Variants in ALG14 observed in about 807,000 individuals in gnomAD.
ALG14 encodes the protein UDP-N-acetylglucosamine transferase subunit ALG14.
Under a neutral mutation model 22.8 loss-of-function variants are expected in ALG14, and 17 were observed. The ratio of observed to expected loss-of-function variants is 0.75; its 90% confidence interval spans 0.51 to 1.12. The LOEUF (loss-of-function observed/expected upper bound fraction) is 1.12, where lower values mean the gene tolerates loss of function less well. ALG14 is among the 50% of genes most tolerant of loss of function. The pLI is 0.00. For missense variants in ALG14, 288 were observed against 271.8 expected, an observed-to-expected ratio of 1.06 and a Z score of -0.42; for synonymous variants, 89 against 103.7, an observed-to-expected ratio of 0.86 and a Z score of 0.86.
intron 2 of ALG14, among the ~76,000 whole-genome samples, chr1:95,051,822 C>G (rs1674761847): frequency 6.6e-6 from 1 of 152,210 alleles, no homozygotes; most frequent in South Asian, 2.1e-4. Flanking sequence ...TTCATCTAAA[C>G]ACACCTTTCC....
At chr1:95,003,591 A>G (rs1673126212) in intron 3 of ALG14, among the ~76,000 whole-genome samples, 1 of 151,822 alleles carries the variant, frequency 6.6e-6, no homozygotes, top group Non-Finnish European at 1.5e-5. Context: ...CTGAGACTAC[A>G]GTGTGTGTCA....
At chr1:95,016,942 G>GGTGTGTGTGTGTGTGT (rs55962309) in intron 3 of ALG14, among the ~76,000 whole-genome samples, 9 of 129,360 alleles carry the variant, frequency 7.0e-5, no homozygotes, top group South Asian at 2.8e-4. Flanking sequence ...TTGCAAAAGG[G>GGTGTGTGTGTGTGTGT]GTGTGTGTGT....
Position 94,976,855 on chromosome 1 carries a change from A to T in ALG14, c.*6221T>A, listed in dbSNP as rs533366471. On this transcript the variant is annotated 3_prime_UTR_variant, in exon 4 of 4. Coordinates refer to ENST00000370205, the MANE Select transcript of ALG14 (RefSeq NM_144988.4). ...CAAAAGGGACGTAATTATGATCCTAATCAGTTGACCTTGAATTAATCAAAA... is the reference window on the plus strand; with the variant it reads ...CAAAAGGGACGTAATTATGATCCTATTCAGTTGACCTTGAATTAATCAAAA... 2 of 152,290 alleles carry T rather than the reference A, an allele frequency of 1.3e-5. No homozygotes were observed. Among genetic ancestry groups the T allele is most frequent in the South Asian group, 2.1e-4 (1 of 4,832 alleles). The allele number at this position is 152,290 out of a possible 1,614,324, so 9.4% of individuals were successfully genotyped here.
rs1672410289 is a variant in ALG14 at position 94,977,018 on chromosome 1, G to C, written c.*6058C>G. 1 of 152,214 alleles carries C rather than the reference G, an allele frequency of 6.6e-6. No homozygotes were observed. Among genetic ancestry groups the C allele is most frequent in the African/African-American group, 2.4e-5 (1 of 41,456 alleles). The allele number at this position is 152,214 out of a possible 1,614,324, so 9.4% of individuals were successfully genotyped here. On this transcript the variant is annotated 3_prime_UTR_variant, in exon 4 of 4. Transcript: ENST00000370205. ...GAAAAGGATTCAGAGTTGCAGATCA[G>C]AACTCAGCCTTGGCCATCATCTTGA...
chr1:94,990,004 T>C (rs972691478), intron 3 of ALG14, among the ~76,000 whole-genome samples: 4 of 152,066 alleles, frequency 2.6e-5, no homozygotes, highest in African/African-American at 9.7e-5. Flanking sequence ...GGGCAAAACA[T>C]GGATGGCGAC....
At chr1:95,020,778 A>C (rs1673639864) in intron 3 of ALG14, among the ~76,000 whole-genome samples, 1 of 151,976 alleles carries the variant, frequency 6.6e-6, no homozygotes, top group Non-Finnish European at 1.5e-5. Context: ...CAAAACTCTA[A>C]GTGGTTCTAC....
At chr1:94,984,371 C>G (rs1672583475) in intron 3 of ALG14, among the ~76,000 whole-genome samples, 1 of 152,184 alleles carries the variant, frequency 6.6e-6, no homozygotes, top group South Asian at 2.1e-4. Flanking sequence ...CCCAGCATTT[C>G]AAGGACTCTC....
At chr1:94,998,205 C>T (rs1364127381) in intron 3 of ALG14, among the ~76,000 whole-genome samples, 1 of 152,178 alleles carries the variant, frequency 6.6e-6, no homozygotes, top group Non-Finnish European at 1.5e-5. Context: ...CAGGATTAAA[C>T]CGCACTTCCT....
At chr1:95,020,338 A>G (rs1673627179) in intron 3 of ALG14, among the ~76,000 whole-genome samples, 1 of 152,168 alleles carries the variant, frequency 6.6e-6, no homozygotes, top group South Asian at 2.1e-4. Flanking sequence ...AGGGTAAACA[A>G]GGAATTAGAA....
intron 3 of ALG14, among the ~76,000 whole-genome samples, chr1:94,984,446 G>A (rs751938006): frequency 5.2e-4 from 79 of 152,110 alleles, no homozygotes; most frequent in Non-Finnish European, 9.7e-4. Context: ...GTTTGAAAAA[G>A]GTCACCTGGT....
At chr1:95,070,860 C>T (rs973814968) in intron 1 of ALG14, among the ~76,000 whole-genome samples, 5 of 152,250 alleles carry the variant, frequency 3.3e-5, no homozygotes, top group Admixed American at 1.3e-4. Context: ...CTCAGCCTCC[C>T]AAATAGCTGG....
At chr1:95,040,003 T>C (rs189165094) in intron 2 of ALG14, among the ~76,000 whole-genome samples, 25 of 151,864 alleles carry the variant, frequency 1.6e-4, no homozygotes, top group Admixed American at 2.6e-4. Context: ...CAAAACCCTA[T>C]CTCTACAAAA....
chr1:95,071,117 G>C (rs775096670), intron 1 of ALG14, among the ~76,000 whole-genome samples: 1 of 152,174 alleles, frequency 6.6e-6, no homozygotes, highest in Non-Finnish European at 1.5e-5. Flanking sequence ...GTTCAGCGAG[G>C]TTAACTAATT....
rs1177909904 is a variant in ALG14, at chr1:94,980,172, T to G, written c.*2904A>C. ...GGTAGAATGATGTGTTCCAAGTTGCTTTTATAAGGGGAAGCTTGGGTCATC... is the reference window on the plus strand; with the variant it reads ...GGTAGAATGATGTGTTCCAAGTTGCGTTTATAAGGGGAAGCTTGGGTCATC... On this transcript the variant is annotated 3_prime_UTR_variant, in exon 4 of 4. Transcript: ENST00000370205. The G allele has an allele frequency of 6.6e-6, 1 of 152,156 alleles. No individual in the cohort carries two copies. The highest frequency in any genetic ancestry group is 1.5e-5 in the Non-Finnish European group (1 of 68,020). The allele number at this position is 152,156 out of a possible 1,614,324, so 9.4% of individuals were successfully genotyped here. A position where few individuals can be genotyped will look rare whatever the true frequency, so the allele number is the denominator to read the frequency against.
chr1:95,072,705 G>A (rs539948149), intron 1 of ALG14, 58 bp downstream of exon 1: 11 of 1,599,780 alleles, frequency 6.9e-6, no homozygotes, highest in Admixed American at 3.4e-5. Flanking sequence ...GCGTCGCGGT[G>A]CACTCTGGGG....
rs1466845528 is a variant in ALG14, at chr1:94,974,483, G to T, written c.*8593C>A. ...GAAAGGAAAAGAGATTAGGAATCAA[G>T]TCCAACCATGTGCTTATTCATCTGC... On this transcript the variant is annotated 3_prime_UTR_variant, in exon 4 of 4. Transcript: ENST00000370205. The T allele has an allele frequency of 6.6e-6, 1 of 152,124 alleles. No homozygotes were observed. Among genetic ancestry groups the T allele is most frequent in the Non-Finnish European group, 1.5e-5 (1 of 68,038 alleles). The allele number at this position is 152,124 out of a possible 1,614,324, so 9.4% of individuals were successfully genotyped here. A position where few individuals can be genotyped will look rare whatever the true frequency, so the allele number is the denominator to read the frequency against.
At chr1:95,052,068 A>C (rs1389877369) in intron 2 of ALG14, among the ~76,000 whole-genome samples, 1 of 152,252 alleles carries the variant, frequency 6.6e-6, no homozygotes, top group Non-Finnish European at 1.5e-5. Flanking sequence ...TTGTTAAATA[A>C]GTTTGTGAAT....
At chr1:95,062,449 C>T (rs181148417) in intron 2 of ALG14, among the ~76,000 whole-genome samples, 2 of 152,128 alleles carry the variant, frequency 1.3e-5, no homozygotes, top group Admixed American at 6.5e-5. Flanking sequence ...TCTACCTCCC[C>T]CAACCCCTCC....
chr1:94,994,291 G>C (rs780980551), intron 3 of ALG14, among the ~76,000 whole-genome samples: 3 of 152,138 alleles, frequency 2.0e-5, no homozygotes, highest in Non-Finnish European at 4.4e-5. Flanking sequence ...TTTTCACAGA[G>C]GGTTTTAAAC....
Sources: gnomAD v4.1 joint callset for allele counts (sites outside exome capture counted in the v4.1 genomes callset) on GRCh38, gnomAD v4.1.1 for gene constraint, MANE v1.5 for transcripts, NCBI Gene and HGNC (gene_info 2026-07-23, HGNC 2026-07-21) for gene names.